The following BRWD3 variants were observed in gnomAD, a reference collection of about 807,000 sequenced individuals.
BRWD3 encodes the protein bromodomain and WD repeat domain containing 3, also known as bromodomain and WD repeat-containing protein 3.
BRWD3 carries 10 observed loss-of-function variants against 149.7 expected under a neutral mutation model. That is an observed-to-expected ratio of 0.07 (90% CI 0.04 to 0.11). BRWD3 has a LOEUF of 0.11. Among genes scored for constraint, BRWD3 ranks in the 10% least tolerant of loss-of-function variants. The pLI, the probability that BRWD3 is intolerant of heterozygous loss-of-function variation, is 1.00. For missense variants in BRWD3, 940 were observed against 1,373.2 expected, an observed-to-expected ratio of 0.68 and a Z score of 4.99; for synonymous variants, 504 against 456.7, an observed-to-expected ratio of 1.10 and a Z score of -1.32.
intron 5 of BRWD3, 77 bp from the exon 6 acceptor site, chrX:80,792,029 T>C: frequency 1.6e-6 from 1 of 614,595 alleles, no homozygotes; most frequent in Non-Finnish European, 2.6e-6. Context: ...AAATGTCTGA[T>C]TTTAATTTAA....
At chrX:80,753,449 T>A (rs2073697837) in intron 6 of BRWD3, among the ~76,000 whole-genome samples, 2 of 110,076 alleles carry the variant, frequency 1.8e-5, no homozygotes, top group African/African-American at 6.6e-5. Flanking sequence ...TTTTGTATTT[T>A]AAGTAGAGAC....
intron 14 of BRWD3, among the ~76,000 whole-genome samples, chrX:80,727,374 T>A (rs1023733005): frequency 1.8e-5 from 2 of 111,085 alleles, no homozygotes; most frequent in Non-Finnish European, 3.8e-5. Context: ...GCCTACAAAA[T>A]CCTAGTCTGG....
intron 6 of BRWD3, among the ~76,000 whole-genome samples, chrX:80,787,128 A>C (rs2074116851): frequency 8.9e-6 from 1 of 111,877 alleles, no homozygotes; most frequent in African/African-American, 3.2e-5. Context: ...CTATATAAAA[A>C]CCATAAAATC....
chrX:80,787,198 C>T (rs1455174216), intron 6 of BRWD3, among the ~76,000 whole-genome samples: 1 of 111,536 alleles, frequency 9.0e-6, no homozygotes, highest in African/African-American at 3.3e-5. Flanking sequence ...CTACAAAACG[C>T]TGCTATGAGA....
intron 8 of BRWD3, among the ~76,000 whole-genome samples, chrX:80,742,092 G>A (rs1602381884): frequency 9.0e-6 from 1 of 111,178 alleles, no homozygotes; most frequent in East Asian, 2.8e-4. Context: ...TTTGTATAAG[G>A]TATAAGGAAG....
chrX:80,700,495 G>A (rs1002787741), intron 24 of BRWD3, among the ~76,000 whole-genome samples: 4 of 94,286 alleles, frequency 4.2e-5, no homozygotes, highest in Non-Finnish European at 8.4e-5. Flanking sequence ...CCAGCACTTT[G>A]GGAGGTTGAG....
At chrX:80,681,053 T>A (rs1216954205) in intron 40 of BRWD3, among the ~76,000 whole-genome samples, 1 of 100,607 alleles carries the variant, frequency 9.9e-6, no homozygotes, top group Admixed American at 1.1e-4. Context: ...CAAGTGATCC[T>A]CCCACCTCAG....
chrX:80,688,121 G>A lies in BRWD3; in HGVS notation c.3812C>T (p.Thr1271Ile). 8.4e-7 allele frequency: 1 copy of A among 1,196,656 alleles called. No individual in the cohort carries two copies. The highest frequency in any genetic ancestry group is 1.1e-6 in the Non-Finnish European group (1 of 882,354). ...GTCTGAATCTAAATCAACAATTTCT[G>A]TATCCTTAATTAAAAAGGAAGAGTG... ...ERNSTDAEED[T>I]EIVDLDSDGP... The change falls in exon 34 of 41, where the codon ACA becomes ATA. Residue 1271 changes from threonine to isoleucine, a missense_variant. Around this residue, in one of 6 missense-constraint regions of BRWD3, gnomAD observed 349 missense variants for 419.6 expected, o/e 0.83. Coordinates refer to ENST00000373275, the MANE Select transcript of BRWD3 (RefSeq NM_153252.5).
intron 6 of BRWD3, among the ~76,000 whole-genome samples, chrX:80,755,998 A>C (rs1349513920): frequency 8.9e-6 from 1 of 112,017 alleles, no homozygotes. Flanking sequence ...AATACTTTTC[A>C]AAATACATTT....
rs776524077 is a variant in BRWD3, at chrX:80,793,603, T to G, written c.331+19A>C. ...ACTCCTTCCTCTGATATCACAGTCCTAAATTCTGAAAATCTCACCTTTGGC... is the reference window on the plus strand; with the variant it reads ...ACTCCTTCCTCTGATATCACAGTCCGAAATTCTGAAAATCTCACCTTTGGC... On this transcript the variant is annotated intron_variant, in intron 5 of 40. Coordinates refer to ENST00000373275, the MANE Select transcript of BRWD3 (RefSeq NM_153252.5). The G allele has an allele frequency of 1.7e-6, 2 of 1,206,359 alleles. No individual in the cohort carries two copies. The highest frequency in any genetic ancestry group is 1.8e-5 in the South Asian group (1 of 56,784).
At chrX:80,770,901 A>C (rs1308655390) in intron 6 of BRWD3, among the ~76,000 whole-genome samples, 3 of 112,038 alleles carry the variant, frequency 2.7e-5, no homozygotes, top group African/African-American at 9.7e-5. Context: ...AACTTCAGCA[A>C]AGTCTCAGGA....
At chrX:80,798,200 A>T (rs974161930) in intron 4 of BRWD3, among the ~76,000 whole-genome samples, 4 of 111,951 alleles carry the variant, frequency 3.6e-5, no homozygotes, top group Admixed American at 1.9e-4. Flanking sequence ...GAGTTTAAAC[A>T]TGCTAGTTTC....
In BRWD3 at chrX:80,713,463, G is replaced by A. The variant is rs1319776815; in HGVS notation, c.2325+2694C>T. ...AAATGGATTAAGGGCGGTGCAAGAT[G>A]TGCTTTGTTAAACAGATGCTTGAAG... On this transcript the variant is annotated intron_variant, in intron 20 of 40. Transcript: ENST00000373275. Among the ~76,000 whole-genome samples the A allele has an allele frequency of 1.1e-4, 12 of 110,959 alleles. No homozygotes were observed. The Admixed American group carries it at 1.1e-3, about 11-fold the overall frequency.
At chrX:80,707,137 C>T (rs942499942) in intron 22 of BRWD3, among the ~76,000 whole-genome samples, 2 of 111,824 alleles carry the variant, frequency 1.8e-5, no homozygotes, top group Non-Finnish European at 3.8e-5. Flanking sequence ...CATATGCACT[C>T]GATCATTGAC....
intron 6 of BRWD3, among the ~76,000 whole-genome samples, chrX:80,787,455 G>A (rs987530328): frequency 9.0e-6 from 1 of 110,527 alleles, no homozygotes; most frequent in African/African-American, 3.3e-5. Context: ...AGACAGCAGA[G>A]TCCAGAAAGA....
intron 24 of BRWD3, among the ~76,000 whole-genome samples, chrX:80,700,719 A>G (rs1326789161): frequency 9.3e-6 from 1 of 107,705 alleles, no homozygotes; most frequent in African/African-American, 3.4e-5. Context: ...CCTGGGCAAT[A>G]AGAGCAAAAC....
intron 4 of BRWD3, among the ~76,000 whole-genome samples, chrX:80,800,508 C>A (rs1162233464): frequency 9.8e-6 from 1 of 102,132 alleles, no homozygotes; most frequent in African/African-American, 3.6e-5. Context: ...CCACTGCACT[C>A]CAGCCTGGGT....
intron 31 of BRWD3, 111 bp downstream of exon 31, chrX:80,690,942 G>C (rs985031353): frequency 1.0e-5 from 9 of 896,895 alleles, no homozygotes; most frequent in Non-Finnish European, 1.4e-5. Flanking sequence ...GGAAATTTTG[G>C]TGTGGGTCTT....
chrX:80,790,193 CAAAAAAAAAA>C (rs10711199), intron 6 of BRWD3, among the ~76,000 whole-genome samples: 1 of 35,316 alleles, frequency 2.8e-5, no homozygotes, highest in Middle Eastern at 0.016. Context: ...GACTCTGTCT[CAAAAAAAAAA>C]AAAAAAAAAA....
Sources: gnomAD v4.1 joint callset for allele counts (sites outside exome capture counted in the v4.1 genomes callset) on GRCh38, gnomAD v4.1.1 for gene constraint, gnomAD v4.1.1 regional missense constraint, MANE v1.5 for transcripts, NCBI Gene and HGNC (gene_info 2026-07-23, HGNC 2026-07-21) for gene names.